The following BRINP3 variants were observed in gnomAD, a reference collection of about 807,000 sequenced individuals.
The protein encoded by BRINP3 is BMP/retinoic acid-inducible neural-specific protein 3.
A neutral mutation model predicts 71.0 loss-of-function variants in BRINP3; 19 were observed. The ratio of observed to expected loss-of-function variants is 0.27; its 90% confidence interval spans 0.19 to 0.39. BRINP3 has a LOEUF of 0.39. Ranked by LOEUF, BRINP3 falls within the 10% of genes least tolerant of loss-of-function variation. BRINP3 has a pLI of 1.00. For synonymous variants in BRINP3, 380 were observed against 337.7 expected (o/e 1.13, Z -1.37); for missense variants, 959 against 940.8 (o/e 1.02, Z -0.25).
chr1:190,179,788 T>G (rs1001010079), intron 6 of BRINP3, among the ~76,000 whole-genome samples: 27 of 152,142 alleles, frequency 1.8e-4, no homozygotes, highest in African/African-American at 6.3e-4. Context: ...ATTTATTTTT[T>G]CCCCTTTCTC....
At chr1:190,311,060 C>G (rs191589310) in intron 2 of BRINP3, among the ~76,000 whole-genome samples, 153 of 151,608 alleles carry the variant, frequency 1.0e-3, no homozygotes, top group Non-Finnish European at 1.4e-3. Flanking sequence ...CTTAAAAACC[C>G]AAGTATTTTA....
chr1:190,306,031 A>G (rs2103011410), intron 2 of BRINP3, among the ~76,000 whole-genome samples: 1 of 151,980 alleles, frequency 6.6e-6, no homozygotes, highest in Non-Finnish European at 1.5e-5. Flanking sequence ...GGCAATATTC[A>G]ACTGACACCC....
chr1:190,116,282 T>A (rs1479905030), intron 7 of BRINP3, among the ~76,000 whole-genome samples: 2 of 152,100 alleles, frequency 1.3e-5, no homozygotes, highest in Non-Finnish European at 2.9e-5. Flanking sequence ...TGAAAATTGA[T>A]TGAAGTAGAC....
chr1:190,394,857 G>C lies in BRINP3; in HGVS notation c.236+59798C>G, dbSNP rs991508383. Among the ~76,000 whole-genome samples, 5 of 151,422 alleles carry C rather than the reference G, an allele frequency of 3.3e-5. No individual in the cohort carries two copies. In the East Asian group the frequency reaches 9.7e-4, roughly 29 times the overall value. On this transcript the variant is annotated intron_variant, in intron 2 of 7. Coordinates refer to ENST00000367462, the MANE Select transcript of BRINP3 (RefSeq NM_199051.3). ...CTCTGGGGAGTACACAGTGCCTACCGGAAAAAAAGACCATTTGCCCTCTGG... is the reference window on the plus strand; with the variant it reads ...CTCTGGGGAGTACACAGTGCCTACCCGAAAAAAAGACCATTTGCCCTCTGG...
At chr1:190,328,057 T>C (rs2103071373) in intron 2 of BRINP3, among the ~76,000 whole-genome samples, 1 of 152,064 alleles carries the variant, frequency 6.6e-6, no homozygotes, top group Middle Eastern at 3.4e-3. Flanking sequence ...GGGTAAACAA[T>C]GAAATTAAAG....
intron 4 of BRINP3, among the ~76,000 whole-genome samples, chr1:190,242,220 AG>A (rs1309971407): frequency 2.6e-5 from 4 of 152,092 alleles, no homozygotes; most frequent in Non-Finnish European, 4.4e-5. Context: ...TAGTATTTAC[AG>A]TGTATTTTGT....
At chr1:190,119,848 T>C (rs1403378162) in intron 7 of BRINP3, among the ~76,000 whole-genome samples, 1 of 152,206 alleles carries the variant, frequency 6.6e-6, no homozygotes, top group Non-Finnish European at 1.5e-5. Context: ...AGAACTGTTG[T>C]GCTGCTGGTG....
chr1:190,417,792 T>G (rs1301333500), intron 2 of BRINP3, among the ~76,000 whole-genome samples: 2 of 152,272 alleles, frequency 1.3e-5, no homozygotes, highest in Admixed American at 6.5e-5. Context: ...ATTATATATT[T>G]GCTGATATGA....
At chr1:190,338,714 G>A (rs899511562) in intron 2 of BRINP3, among the ~76,000 whole-genome samples, 3 of 151,456 alleles carry the variant, frequency 2.0e-5, no homozygotes, top group Non-Finnish European at 4.4e-5. Context: ...TTGCTTACCT[G>A]TACTATCTTA....
At chr1:190,459,558 T>A (rs191719867) in intron 1 of BRINP3, among the ~76,000 whole-genome samples, 6 of 152,120 alleles carry the variant, frequency 3.9e-5, no homozygotes, top group African/African-American at 1.4e-4. Flanking sequence ...AAGTGGTGGG[T>A]CATGTCATAG....
intron 2 of BRINP3, among the ~76,000 whole-genome samples, chr1:190,451,518 T>C (rs1675605869): frequency 6.6e-6 from 1 of 151,848 alleles, no homozygotes; most frequent in Non-Finnish European, 1.5e-5. Context: ...TGCGGCAGAG[T>C]AGACAAAATT....
chr1:190,339,950 A>C (rs1667546311), intron 2 of BRINP3, among the ~76,000 whole-genome samples: 1 of 151,912 alleles, frequency 6.6e-6, no homozygotes, highest in Admixed American at 6.6e-5. Flanking sequence ...TTCTATGTCC[A>C]TTTGTCCAAT....
intron 6 of BRINP3, among the ~76,000 whole-genome samples, chr1:190,205,677 A>G (rs1231208700): frequency 6.6e-6 from 1 of 152,054 alleles, no homozygotes; most frequent in East Asian, 1.9e-4. Flanking sequence ...TATACTTCCA[A>G]ATATGTTTAG....
In BRINP3 at chr1:190,369,864, A is replaced by C. The variant is rs949728117; in HGVS notation, c.236+84791T>G. Among the ~76,000 whole-genome samples, 7 of 152,230 alleles carry C rather than the reference A, an allele frequency of 4.6e-5. No individual in the cohort carries two copies. The East Asian group carries it at 1.3e-3, about 29-fold the overall frequency. ...ATGTTTTTAAAATAATGTTTAAACT[A>C]ATAATTAATAGCCACTAATTATTAA... On this transcript the variant is annotated intron_variant, in intron 2 of 7. Transcript: ENST00000367462.
intron 6 of BRINP3, among the ~76,000 whole-genome samples, chr1:190,174,299 T>C (rs561497841): frequency 3.9e-5 from 6 of 152,248 alleles, no homozygotes; most frequent in African/African-American, 1.4e-4. Context: ...TCGTCATTAA[T>C]GTGTCTTATT....
intron 2 of BRINP3, among the ~76,000 whole-genome samples, chr1:190,335,717 G>T (rs527777560): frequency 1.3e-4 from 19 of 151,910 alleles, no homozygotes; most frequent in African/African-American, 4.6e-4. Context: ...AATAGAAGTA[G>T]ATCATAACAT....
At position 190,226,074 on chromosome 1, in the gene BRINP3, T is replaced by G. The variant is rs780316120; in HGVS notation, c.961+8A>C. On this transcript the variant is annotated splice_region_variant and intron_variant, in intron 6 of 7. Transcript: ENST00000367462. ...TTTAAAAGTGTTATATTAAAATACA[T>G]GTCTTACCTGATTCCTCAAAGTCAC... 3.2e-6 allele frequency: 5 copies of G among 1,543,732 alleles called. No individual in the cohort carries two copies. In the South Asian group the frequency reaches 5.9e-5, roughly 18 times the overall value.
At chr1:190,250,896 C>A (rs1660074279) in intron 4 of BRINP3, among the ~76,000 whole-genome samples, 1 of 151,804 alleles carries the variant, frequency 6.6e-6, no homozygotes, top group Admixed American at 6.6e-5. Flanking sequence ...ATACAGGATT[C>A]TTGTATTGTA....
chr1:190,181,103 T>A (rs976959121), intron 6 of BRINP3, among the ~76,000 whole-genome samples: 1 of 152,112 alleles, frequency 6.6e-6, no homozygotes, highest in African/African-American at 2.4e-5. Context: ...CCAATCGTTT[T>A]TATCTTCATA....
Sources: allele counts gnomAD v4.1 joint callset (sites outside exome capture counted in the v4.1 genomes callset), GRCh38; gene constraint gnomAD v4.1.1; transcripts MANE v1.5; gene names NCBI Gene and HGNC (gene_info 2026-07-23, HGNC 2026-07-21).